Variants in SPOPL observed in about 807,000 individuals in gnomAD.
The protein encoded by SPOPL is speckle-type POZ protein-like.
A neutral mutation model predicts 53.8 loss-of-function variants in SPOPL; 23 were observed. The ratio of observed to expected loss-of-function variants is 0.43; its 90% CI spans 0.31 to 0.61. The LOEUF (loss-of-function observed/expected upper bound fraction) is 0.61. Ranked by LOEUF, SPOPL falls within the 20% of genes least tolerant of loss-of-function variation. The pLI is 0.12. For synonymous variants in SPOPL, 164 were observed against 149.7 expected, an observed-to-expected ratio of 1.10 and a Z score of -0.70; for missense variants, 442 against 466.9, an observed-to-expected ratio of 0.95 and a Z score of 0.49.
chr2:138,514,912 T>A (rs1684406997), intron 1 of SPOPL, among the ~76,000 whole-genome samples: 1 of 152,152 alleles, frequency 6.6e-6, no homozygotes, highest in Admixed American at 6.5e-5. Context: ...GGGTGTAACA[T>A]GGTATTAAGT....
chr2:138,509,462 A>C (rs1045326694), intron 1 of SPOPL, among the ~76,000 whole-genome samples: 2 of 152,192 alleles, frequency 1.3e-5, no homozygotes, highest in African/African-American at 4.8e-5. Flanking sequence ...ATAATGTTAT[A>C]TTTATTGACA....
intron 4 of SPOPL, among the ~76,000 whole-genome samples, 197 bp from the exon 5 acceptor site, chr2:138,552,357 A>T (rs1337192025): frequency 6.6e-6 from 1 of 152,062 alleles, no homozygotes; most frequent in Non-Finnish European, 1.5e-5. Flanking sequence ...GCCAAAATTG[A>T]GTAGGCATAT....
intron 1 of SPOPL, among the ~76,000 whole-genome samples, chr2:138,532,169 A>C (rs1684823341): frequency 6.6e-6 from 1 of 152,150 alleles, no homozygotes; most frequent in South Asian, 2.1e-4. Context: ...TTCCTGCTGC[A>C]TGCAAAGTCA....
chr2:138,526,538 G>A (rs1451611771), intron 1 of SPOPL, among the ~76,000 whole-genome samples: 1 of 151,896 alleles, frequency 6.6e-6, no homozygotes, highest in African/African-American at 2.4e-5. Context: ...ATATAGTGAT[G>A]TATATATTTT....
intron 5 of SPOPL, among the ~76,000 whole-genome samples, chr2:138,555,197 A>G (rs1454782128): frequency 1.3e-5 from 2 of 150,182 alleles, no homozygotes; most frequent in Admixed American, 1.3e-4. Flanking sequence ...TAATAAACTC[A>G]TTGTCTCAGT....
At chr2:138,567,645 G>A (rs1685692482) in intron 10 of SPOPL, among the ~76,000 whole-genome samples, 1 of 152,064 alleles carries the variant, frequency 6.6e-6, no homozygotes, top group Admixed American at 6.5e-5. Flanking sequence ...GGGAGGTTGC[G>A]GTGGCAATAG....
At chr2:138,535,579 T>C (rs1684912991) in intron 1 of SPOPL, among the ~76,000 whole-genome samples, 3 of 151,478 alleles carry the variant, frequency 2.0e-5, no homozygotes, top group Admixed American at 2.0e-4. Flanking sequence ...TTTTTGGTCT[T>C]TTTCAGCATT....
chr2:138,567,438 G>A (rs549986512), intron 10 of SPOPL, among the ~76,000 whole-genome samples: 29 of 129,378 alleles, frequency 2.2e-4, no homozygotes, highest in African/African-American at 7.3e-4. Context: ...TGTGTGTTGC[G>A]GGCGGGGAGG....
chr2:138,536,480 T>C (rs1276666702), intron 1 of SPOPL, among the ~76,000 whole-genome samples: 2 of 152,192 alleles, frequency 1.3e-5, no homozygotes, highest in Admixed American at 6.5e-5. Context: ...CTCACATCTG[T>C]TAAGGTCCAT....
rs759363741 is a variant in SPOPL at position 138,550,514 on chromosome 2, C to G, written c.110C>G (p.Thr37Ser). 2.5e-6 allele frequency: 4 copies of G among 1,611,134 alleles called. No individual in the cohort carries two copies. In the South Asian group the frequency reaches 4.4e-5, roughly 18 times the overall value. The change falls in exon 3 of 11, where the codon ACC becomes AGC. Residue 37 changes from threonine (T) to serine (S), a missense_variant. By Grantham distance (58) the Thr-to-Ser change is moderately conservative. Coordinates refer to ENST00000280098, the MANE Select transcript of SPOPL (RefSeq NM_001001664.3). ...GTAGTAAAATTTTCCTATATGTGGA[C>G]CATTAATAACTTCAGTTTTTGTCGA... ...VKVVKFSYMW[T>S]INNFSFCREE...
chr2:138,531,524 T>G (rs1452073629), intron 1 of SPOPL, among the ~76,000 whole-genome samples: 1 of 152,160 alleles, frequency 6.6e-6, no homozygotes, highest in Non-Finnish European at 1.5e-5. Flanking sequence ...GCTTCTCTCT[T>G]TTTCTTCTGT....
intron 1 of SPOPL, among the ~76,000 whole-genome samples, chr2:138,549,906 T>A (rs1040220041): frequency 2.0e-5 from 3 of 151,996 alleles, no homozygotes; most frequent in Admixed American, 6.6e-5. Context: ...ATTTTAAAAT[T>A]TGTGATTTTT....
intron 1 of SPOPL, among the ~76,000 whole-genome samples, chr2:138,507,314 A>G (rs1197200704): frequency 2.0e-5 from 3 of 152,194 alleles, no homozygotes; most frequent in Non-Finnish European, 4.4e-5. Flanking sequence ...CAGCTTATTC[A>G]TTCATAGTAT....
chr2:138,521,681 G>T (rs1274640273), intron 1 of SPOPL, among the ~76,000 whole-genome samples: 1 of 152,084 alleles, frequency 6.6e-6, no homozygotes, highest in African/African-American at 2.4e-5. Flanking sequence ...AGTAGAAAAA[G>T]AGTTGTTCCA....
At chr2:138,517,734 G>A (rs1352122956) in intron 1 of SPOPL, among the ~76,000 whole-genome samples, 6 of 139,470 alleles carry the variant, frequency 4.3e-5, no homozygotes, top group East Asian at 2.1e-4. Context: ...GCGAGACTCC[G>A]TCTCAAAAAA....
chr2:138,517,469 G>A (rs1048276031), intron 1 of SPOPL, among the ~76,000 whole-genome samples: 5 of 152,094 alleles, frequency 3.3e-5, no homozygotes, highest in African/African-American at 4.8e-5. Flanking sequence ...TGCCGGGTGC[G>A]GTGACTCACG....
chr2:138,508,523 G>T (rs1053083761), intron 1 of SPOPL, among the ~76,000 whole-genome samples: 1 of 151,986 alleles, frequency 6.6e-6, no homozygotes, highest in Non-Finnish European at 1.5e-5. Context: ...TAGAGATGGG[G>T]TTTCACCATG....
intron 7 of SPOPL, among the ~76,000 whole-genome samples, chr2:138,559,988 A>T (rs189234624): frequency 1.3e-5 from 2 of 152,192 alleles, no homozygotes; most frequent in African/African-American, 4.8e-5. Context: ...GTTTGGGGAG[A>T]TGCTATGATC....
chr2:138,530,918 A>AGTGT (rs757783403), intron 1 of SPOPL, among the ~76,000 whole-genome samples: 14 of 88,168 alleles, frequency 1.6e-4, no homozygotes, highest in Non-Finnish European at 3.3e-4. Context: ...CTTACTGTAG[A>AGTGT]GTGAGTGTGT....
Sources: allele counts gnomAD v4.1 joint callset (sites outside exome capture counted in the v4.1 genomes callset), GRCh38; gene constraint gnomAD v4.1.1; transcripts MANE v1.5; gene names NCBI Gene and HGNC (gene_info 2026-07-23, HGNC 2026-07-21).